The following PPP2R1B variants were observed in gnomAD, a reference collection of about 807,000 sequenced individuals.
The protein encoded by PPP2R1B is protein phosphatase 2 scaffold subunit Abeta.
A neutral mutation model predicts 72.7 loss-of-function variants in PPP2R1B; 58 were observed. The observed-to-expected ratio is 0.80, with a 90% CI of 0.65 to 0.99. The LOEUF is 0.99. Ranked by LOEUF, PPP2R1B falls within the 50% of genes least tolerant of loss-of-function variation. PPP2R1B has a pLI of 0.00. For synonymous variants in PPP2R1B, 256 were observed against 264.6 expected (o/e 0.97, Z 0.32); for missense variants, 695 against 733.6 (o/e 0.95, Z 0.61).
At chr11:111,749,150 T>C (rs1282218409) in intron 10 of PPP2R1B, among the ~76,000 whole-genome samples, 1 of 151,846 alleles carries the variant, frequency 6.6e-6, no homozygotes, top group African/African-American at 2.4e-5. Context: ...TGGCCCAAAA[T>C]TGCTTTGTAC....
At chr11:111,753,157 T>G (rs546649488) in intron 9 of PPP2R1B, among the ~76,000 whole-genome samples, 1 of 152,270 alleles carries the variant, frequency 6.6e-6, no homozygotes, top group Non-Finnish European at 1.5e-5. Flanking sequence ...AAATGAAACT[T>G]TTTAAACAAA....
intron 3 of PPP2R1B, chr11:111,761,355 G>A: frequency 4.5e-6 from 2 of 448,528 alleles, no homozygotes; most frequent in Admixed American, 3.0e-5. Context: ...TGAATCACTA[G>A]GTTTAAAAGA....
Position 111,738,749 on chromosome 11 carries a change from T to C in PPP2R1B, c.*2847A>G. Reference sequence around the variant, plus strand: ...ATGCATCCTCAGGTTCACATCTTCTTGGTAGCACAGAGAGAGAAACAAGAC... The same window carrying C: ...ATGCATCCTCAGGTTCACATCTTCTCGGTAGCACAGAGAGAGAAACAAGAC... On this transcript the variant is annotated 3_prime_UTR_variant, in exon 15 of 15. Transcript: ENST00000527614. 3 of 985,426 alleles carry C rather than the reference T, an allele frequency of 3.0e-6. No individual in the cohort carries two copies. The highest frequency in any genetic ancestry group is 3.6e-6 in the Non-Finnish European group (3 of 829,942). 61.0% of individuals were successfully genotyped at this position (985,426 alleles called of 1,614,324 possible). A position where few individuals can be genotyped will look rare whatever the true frequency, so the allele number is the denominator to read the frequency against.
rs186105799 is a variant in PPP2R1B at position 111,750,994 on chromosome 11, G to A, written c.1338+1165C>T. 2.4e-4 allele frequency among the ~76,000 whole-genome samples: 36 copies of A among 152,084 alleles called. No homozygotes were observed. In the East Asian group the frequency reaches 5.0e-3, roughly 21 times the overall value. On this transcript the variant is annotated intron_variant, in intron 10 of 14. Coordinates refer to ENST00000527614, the MANE Select transcript of PPP2R1B (RefSeq NM_002716.5). The stretch of plus-strand genomic sequence containing the variant: ...GCTGGTATTACAGGTGTGCACCTCC[G>A]TGCCCAGCTAATTTTTGTATTTTTA...
intron 13 of PPP2R1B, 144 bp downstream of exon 13, chr11:111,742,379 A>T (rs1944553704): frequency 1.0e-6 from 1 of 971,168 alleles, no homozygotes; most frequent in Non-Finnish European, 1.5e-6. Flanking sequence ...ATCCTCAAAA[A>T]TAGTTGCTAA....
rs1173336349 is a variant in PPP2R1B at position 111,760,650 on chromosome 11, TA to T, written c.539+168del. Among the ~76,000 whole-genome samples the T allele has an allele frequency of 1.7e-3, 238 of 143,810 alleles. 1 individual carries two copies. Among genetic ancestry groups the T allele is most frequent in the East Asian group, 0.015 (74 of 4,974 alleles). 94.3% of individuals were successfully genotyped at this position (143,810 alleles called of 152,430 possible). A position where few individuals can be genotyped will look rare whatever the true frequency, so the allele number is the denominator to read the frequency against. ...GACAACAGAGCAAGACCTTATCTCT[TA>T]AAAAAAAAAAAGAAAGATGTCATAA... On this transcript the variant is annotated intron_variant, in intron 4 of 14. Transcript: ENST00000527614.
At chr11:111,726,072 C>A (rs1943956359), downstream of PPP2R1B, 1 of 152,160 alleles carries the variant, frequency 6.6e-6, no homozygotes, top group African/African-American at 2.4e-5. Context: ...TCATTAAGAT[C>A]TCTAATCTGT....
downstream of PPP2R1B, among the ~76,000 whole-genome samples, chr11:111,735,782 T>C (rs1363953165): frequency 2.6e-5 from 4 of 152,118 alleles, no homozygotes; most frequent in Non-Finnish European, 4.4e-5. Context: ...GCTCACCCCA[T>C]TCGGACAGAT....
chr11:111,740,244 C>T lies in PPP2R1B; in HGVS notation c.*1352G>A. 3 of 980,604 alleles carry T rather than the reference C, an allele frequency of 3.1e-6. No individual in the cohort carries two copies. Among genetic ancestry groups the T allele is most frequent in the Non-Finnish European group, 3.6e-6 (3 of 825,694 alleles). The allele number at this position is 980,604 out of a possible 1,614,324, so 60.7% of individuals were successfully genotyped here. ...AATAGTTGTTTTTTTTTGAGATGGA[C>T]TCTCGCTCTATGGCCCAGGCTAGAG... On this transcript the variant is annotated 3_prime_UTR_variant, in exon 15 of 15. Coordinates refer to ENST00000527614, the MANE Select transcript of PPP2R1B (RefSeq NM_002716.5).
chr11:111,745,047 ATTTT>A (rs10579316), intron 11 of PPP2R1B, among the ~76,000 whole-genome samples: 8 of 84,980 alleles, frequency 9.4e-5, no homozygotes, highest in Admixed American at 1.4e-4. Context: ...TTCTCCTCTA[ATTTT>A]TTTTTTTTTT....
chr11:111,755,590 CTTTTT>C (rs1167247279), intron 5 of PPP2R1B, 140 bp from the exon 6 acceptor site: 483 of 450,040 alleles, frequency 1.1e-3, no homozygotes, highest in South Asian at 1.7e-3. Flanking sequence ...ACATCTTTTT[CTTTTT>C]TTTTTTTTTT....
Position 111,739,895 on chromosome 11 carries a change from ATAAGGT to A in PPP2R1B, c.*1695_*1700del, listed in dbSNP as rs1385183719. The A allele has an allele frequency of 1.8e-5, 18 of 981,590 alleles. No individual in the cohort carries two copies. The South Asian group carries it at 6.1e-4, about 33-fold the overall frequency. 60.8% of individuals were successfully genotyped at this position (981,590 alleles called of 1,614,324 possible). On this transcript the variant is annotated 3_prime_UTR_variant, in exon 15 of 15. Coordinates refer to ENST00000527614, the MANE Select transcript of PPP2R1B (RefSeq NM_002716.5). Reference sequence around the variant, plus strand: ...CAAAGTCATAAAATAGAAACTTACTATAAGGTAATTTGGCAGTTTAAAATGCAGACA... The same window carrying A: ...CAAAGTCATAAAATAGAAACTTACTAAATTTGGCAGTTTAAAATGCAGACA...
At position 111,741,569 on chromosome 11, in the gene PPP2R1B, T is replaced by C. The variant is rs1245932245; in HGVS notation, c.*27A>G. The C allele has an allele frequency of 1.9e-6, 3 of 1,611,738 alleles. No individual in the cohort carries two copies. Among genetic ancestry groups the C allele is most frequent in the African/African-American group, 1.3e-5 (1 of 74,928 alleles). ...CTAGAAATTTGTGACAAGAATCTAG[T>C]AAAGGCCTTTTCCCTCCTGCTCCTC... On this transcript the variant is annotated 3_prime_UTR_variant, in exon 15 of 15. Transcript: ENST00000527614.
chr11:111,691,982 A>G, the PPP2R1B span, among the ~76,000 whole-genome samples: 4 of 152,148 alleles, frequency 2.6e-5, no homozygotes, highest in African/African-American at 9.7e-5. Flanking sequence ...TGGAAGAATC[A>G]GGGAAATTAT....
At chr11:111,763,112 G>A (rs1484215792) in intron 3 of PPP2R1B, among the ~76,000 whole-genome samples, 3 of 152,160 alleles carry the variant, frequency 2.0e-5, no homozygotes, top group African/African-American at 7.2e-5. Flanking sequence ...GAGTGGTTGG[G>A]GAAAACCTCC....
Position 111,742,550 on chromosome 11 carries a change from T to C in PPP2R1B, c.1670A>G (p.Gln557Arg). 1.2e-6 allele frequency: 2 copies of C among 1,613,822 alleles called. No homozygotes were observed. Among genetic ancestry groups the C allele is most frequent in the African/African-American group, 1.3e-5 (1 of 75,064 alleles). ...GGTATCTAGAATTGGTCCAATCTTT[T>C]GTAGAGATTTGGCCACATTGAAGCG... is the stretch of plus-strand genomic sequence containing the variant. ...NVRFNVAKSL[Q>R]KIGPILDTNA... Residue 557 changes from glutamine to arginine, a missense_variant, in exon 13 of 15, where the codon CAA (glutamine) becomes CGA (arginine). Transcript: ENST00000527614.
chr11:111,700,396 G>GA, the PPP2R1B span, among the ~76,000 whole-genome samples: 3,228 of 152,254 alleles, frequency 0.021, 115 homozygotes, highest in African/African-American at 0.072. Flanking sequence ...TGTTACTTAG[G>GA]AAACACTGCA....
chr11:111,742,561 G>T lies in PPP2R1B; in HGVS notation c.1659C>A (p.Ala553=). Residue 553 remains alanine (A), a synonymous_variant, in exon 13 of 15, where the codon GCC becomes GCA. Coordinates refer to ENST00000527614, the MANE Select transcript of PPP2R1B (RefSeq NM_002716.5). ...TTGGTCCAATCTTTTGTAGAGATTT[G>T]GCCACATTGAAGCGAACATTTGCTA... The part of the protein sequence containing the change: ...DQVANVRFNV[A]KSLQKIGPIL... The T allele has an allele frequency of 6.2e-7, 1 of 1,613,782 alleles. No homozygotes were observed. The highest frequency in any genetic ancestry group is 8.5e-7 in the Non-Finnish European group (1 of 1,179,928).
chr11:111,723,758 T>C (rs753282745), downstream of PPP2R1B: 15 of 1,613,844 alleles, frequency 9.3e-6, no homozygotes, highest in Non-Finnish European at 1.3e-5. Context: ...GCCCCTGCCC[T>C]CCACTTCCGG....
Sources: gnomAD v4.1 joint callset for allele counts (sites outside exome capture counted in the v4.1 genomes callset) on GRCh38, gnomAD v4.1.1 for gene constraint, MANE v1.5 for transcripts, NCBI Gene and HGNC (gene_info 2026-07-23, HGNC 2026-07-21) for gene names.